The following CD300LG variants were observed in gnomAD, a reference collection of about 807,000 sequenced individuals.
The protein encoded by CD300LG is CD300 molecule like family member g, also known as CMRF35-like molecule 9.
In CD300LG, 29 loss-of-function variants were observed where a neutral mutation model predicts 31.5. The ratio of observed to expected loss-of-function variants is 0.92; its 90% CI spans 0.68 to 1.25. The LOEUF (loss-of-function observed/expected upper bound fraction) is 1.25, where lower values mean the gene tolerates loss of function less well. Among genes scored for constraint, CD300LG ranks in the 50% most tolerant of loss-of-function variants. CD300LG has a pLI of 0.00. For missense variants in CD300LG, 396 were observed against 417.6 expected (o/e 0.95, Z 0.45); for synonymous variants, 175 against 177.2 (o/e 0.99, Z 0.10).
At chr17:43,847,640 C>A (rs1012540401) in intron 1 of CD300LG, among the ~76,000 whole-genome samples, 1 of 152,312 alleles carries the variant, frequency 6.6e-6, no homozygotes, top group East Asian at 1.9e-4. Flanking sequence ...CCCCACAACC[C>A]TGAAAGATGA....
intron 2 of CD300LG, chr17:43,849,590 G>A (rs2046289955): frequency 6.6e-6 from 1 of 152,510 alleles, no homozygotes; most frequent in South Asian, 2.1e-4. Context: ...AGCCAGAGAG[G>A]GCCCAGGGGA....
At chr17:43,851,133 C>CAAAAAAAAAAAAAA (rs777282117) in intron 2 of CD300LG, among the ~76,000 whole-genome samples, 1 of 40,610 alleles carries the variant, frequency 2.5e-5, no homozygotes, top group Non-Finnish European at 5.0e-5. Context: ...GACTCAGTCT[C>CAAAAAAAAAAAAAA]AAAAAAAAAA....
chr17:43,857,979 C>G, intron 6 of CD300LG: 1 of 1,507,300 alleles, frequency 6.6e-7, no homozygotes, highest in Admixed American at 2.1e-5. Flanking sequence ...CCCTCCGAGG[C>G]CAGCACTCCA....
chr17:43,848,973 G>A (rs567211120), intron 2 of CD300LG, 80 bp downstream of exon 2: 1 of 1,274,430 alleles, frequency 7.8e-7, no homozygotes. Context: ...CATAATCCTG[G>A]TACCAACATT....
chr17:43,856,540 G>A (rs1364748595), intron 5 of CD300LG, among the ~76,000 whole-genome samples: 1 of 152,244 alleles, frequency 6.6e-6, no homozygotes, highest in Non-Finnish European at 1.5e-5. Flanking sequence ...TACCCATGGA[G>A]GCGGCCACAG....
chr17:43,855,592 C>G (rs1411578834), intron 5 of CD300LG: 1 of 278,462 alleles, frequency 3.6e-6, no homozygotes, highest in African/African-American at 2.2e-5. Flanking sequence ...CCTATTGATC[C>G]CAGGGAATTC....
intron 6 of CD300LG, among the ~76,000 whole-genome samples, chr17:43,859,531 T>G (rs1265912412): frequency 6.6e-6 from 1 of 152,176 alleles, no homozygotes. Context: ...ACTGCGAGGC[T>G]CTTTCCTCAA....
intron 6 of CD300LG, among the ~76,000 whole-genome samples, chr17:43,858,879 G>A (rs1283445434): frequency 6.6e-6 from 1 of 152,166 alleles, no homozygotes; most frequent in Non-Finnish European, 1.5e-5. Context: ...AAGAGATCTT[G>A]CTAGAAGGAC....
At chr17:43,853,055 T>C in intron 3 of CD300LG, 42 bp downstream of exon 3, 1 of 1,544,546 alleles carries the variant, frequency 6.5e-7, no homozygotes, top group Non-Finnish European at 8.9e-7. Context: ...GCCACCCTTC[T>C]TACAGAAGCA....
At chr17:43,847,346 C>A in intron 1 of CD300LG, 87 bp downstream of exon 1, 2 of 1,444,294 alleles carry the variant, frequency 1.4e-6, no homozygotes, top group Non-Finnish European at 1.9e-6. Context: ...CTGATAGCCC[C>A]ACCCCACCTA....
At chr17:43,858,749 C>G in intron 6 of CD300LG, 1 of 975,312 alleles carries the variant, frequency 1.0e-6, no homozygotes, top group South Asian at 4.7e-5. Flanking sequence ...TTGGGGCTTT[C>G]TTTGTCCACA....
Position 43,862,112 on chromosome 17 carries a change from C to A in CD300LG, c.*201C>A. On this transcript the variant is annotated 3_prime_UTR_variant, in exon 7 of 7. Coordinates refer to ENST00000317310, the MANE Select transcript of CD300LG (RefSeq NM_145273.4). ...TCAGCCCTGGAGCCCAGAGCGGTGG[C>A]CTTGCTCTTCCGGCTGGAGACTGGG... 2.3e-6 allele frequency: 1 copy of A among 443,892 alleles called. No homozygotes were observed. Among genetic ancestry groups the A allele is most frequent in the Non-Finnish European group, 4.0e-6 (1 of 249,728 alleles). The allele number at this position is 443,892 out of a possible 1,614,324, so 27.5% of individuals were successfully genotyped here.
chr17:43,860,125 G>A (rs539093099), intron 6 of CD300LG, among the ~76,000 whole-genome samples: 9 of 152,298 alleles, frequency 5.9e-5, no homozygotes, highest in African/African-American at 2.2e-4. Context: ...GCTGGGCCCC[G>A]GTTAGTAGAC....
chr17:43,852,715 C>T (rs1427503738), intron 2 of CD300LG, among the ~76,000 whole-genome samples, 197 bp from the exon 3 acceptor site: 2 of 152,138 alleles, frequency 1.3e-5, no homozygotes, highest in East Asian at 3.8e-4. Flanking sequence ...CTGAGCTAGG[C>T]GCGAGGCCAG....
intron 5 of CD300LG, 27 bp downstream of exon 5, chr17:43,855,346 C>T (rs765784594): frequency 4.9e-6 from 7 of 1,430,300 alleles, no homozygotes; most frequent in East Asian, 2.5e-5. Context: ...GGCAGGAAGG[C>T]GGGAGGCTCA....
intron 6 of CD300LG, among the ~76,000 whole-genome samples, chr17:43,860,498 G>A (rs373971260): frequency 2.6e-5 from 4 of 152,168 alleles, no homozygotes; most frequent in Non-Finnish European, 4.4e-5. Context: ...CCTCTGCTCC[G>A]CCCACCTGCT....
At chr17:43,860,303 T>C (rs1302556419) in intron 6 of CD300LG, among the ~76,000 whole-genome samples, 1 of 152,232 alleles carries the variant, frequency 6.6e-6, no homozygotes, top group Non-Finnish European at 1.5e-5. Flanking sequence ...TCTGAGCCCC[T>C]GTTGCCATAG....
intron 5 of CD300LG, 131 bp downstream of exon 5, chr17:43,855,450 A>G: frequency 1.9e-6 from 1 of 530,786 alleles, no homozygotes; most frequent in Non-Finnish European, 3.2e-6. Context: ...TATGAGCATC[A>G]GGAGCTGTGG....
chr17:43,858,226 G>T (rs944160238), intron 6 of CD300LG: 16 of 1,091,388 alleles, frequency 1.5e-5, no homozygotes, highest in Non-Finnish European at 1.8e-5. Flanking sequence ...AGCAGCTGTT[G>T]TTGTCTCAGG....
Sources: allele counts gnomAD v4.1 joint callset (sites outside exome capture counted in the v4.1 genomes callset), GRCh38; gene constraint gnomAD v4.1.1; transcripts MANE v1.5; gene names NCBI Gene and HGNC (gene_info 2026-07-23, HGNC 2026-07-21).